The following CEP162 variants were observed in gnomAD, a reference collection of about 807,000 sequenced individuals.
The protein encoded by CEP162 is centrosomal protein 162, also known as centrosomal protein of 162 kDa.
A neutral mutation model predicts 169.2 loss-of-function variants in CEP162; 141 were observed. That is an observed-to-expected ratio of 0.83 (90% CI 0.73 to 0.96). The LOEUF (loss-of-function observed/expected upper bound fraction) is 0.96. CEP162 is among the 40% of genes least tolerant of loss of function. The pLI is 0.00. For synonymous variants in CEP162, 540 were observed against 526.4 expected, an observed-to-expected ratio of 1.03 and a Z score of -0.35; for missense variants, 1,600 against 1,587.2, an observed-to-expected ratio of 1.01 and a Z score of -0.14.
chr6:84,226,296 A>T (rs781363502), intron 2 of CEP162, 41 bp downstream of exon 2: 1 of 1,330,532 alleles, frequency 7.5e-7, no homozygotes, highest in South Asian at 1.3e-5. Flanking sequence ...GAGTCTTTTG[A>T]GACAAATTTG....
intron 25 of CEP162, among the ~76,000 whole-genome samples, chr6:84,134,298 G>A (rs192078493): frequency 2.0e-5 from 3 of 152,318 alleles, no homozygotes; most frequent in South Asian, 4.1e-4. Context: ...TGGGCTCTGT[G>A]GGGGTGGGAA....
intron 3 of CEP162, among the ~76,000 whole-genome samples, chr6:84,219,730 C>T (rs1029874959): frequency 6.6e-6 from 1 of 152,144 alleles, no homozygotes; most frequent in African/African-American, 2.4e-5. Flanking sequence ...TCTACTTTAA[C>T]ATGCATTTAT....
chr6:84,209,045 G>GGT (rs200304249), intron 6 of CEP162, among the ~76,000 whole-genome samples: 2 of 151,948 alleles, frequency 1.3e-5, no homozygotes, highest in African/African-American at 4.8e-5. Context: ...GAGGCGCTGT[G>GGT]GTGTGTGTGT....
intron 9 of CEP162, among the ~76,000 whole-genome samples, chr6:84,199,257 C>T (rs1323384413): frequency 6.6e-6 from 1 of 151,980 alleles, no homozygotes; most frequent in Non-Finnish European, 1.5e-5. Context: ...GTAGAATACT[C>T]AGTTGGGCAA....
intron 11 of CEP162, among the ~76,000 whole-genome samples, chr6:84,189,820 C>T (rs1253583838): frequency 1.3e-5 from 2 of 152,152 alleles, no homozygotes; most frequent in African/African-American, 4.8e-5. Context: ...CTAGGTGAAG[C>T]CAGCTGGGCT....
chr6:84,178,180 T>C (rs777670290), intron 13 of CEP162, among the ~76,000 whole-genome samples: 3 of 152,196 alleles, frequency 2.0e-5, no homozygotes, highest in Non-Finnish European at 2.9e-5. Context: ...ATGACATTTA[T>C]GAGATATTTG....
At position 84,215,855 on chromosome 6, in the gene CEP162, T is replaced by C. The variant is rs200781231; in HGVS notation, c.240A>G (p.Glu80=). ...KKTSQPVMEI[E]EESAEKIQFL... ...ATTGAATCTTTTCAGCAGACTCCTC[T>C]TCTATTTCCATAACAGGCTGAGAAG... Residue 80 remains glutamate (E), a synonymous_variant, in exon 4 of 27, where the codon GAA becomes GAG. Transcript: ENST00000403245. The C allele has an allele frequency of 6.3e-7, 1 of 1,584,246 alleles. No individual in the cohort carries two copies. The highest frequency in any genetic ancestry group is 2.3e-5 in the East Asian group (1 of 44,188).
intron 13 of CEP162, among the ~76,000 whole-genome samples, chr6:84,183,083 G>A (rs2099535620): frequency 6.6e-6 from 1 of 151,870 alleles, no homozygotes; most frequent in African/African-American, 2.4e-5. Flanking sequence ...TCAGTCTAAT[G>A]AGAAAAAGTA....
At chr6:84,189,224 C>T (rs1231557875) in intron 11 of CEP162, among the ~76,000 whole-genome samples, 1 of 152,090 alleles carries the variant, frequency 6.6e-6, no homozygotes, top group African/African-American at 2.4e-5. Flanking sequence ...TCAGAGCCCT[C>T]GCTTGCTCTC....
chr6:84,208,717 G>A (rs1231183358), intron 6 of CEP162, among the ~76,000 whole-genome samples: 4 of 152,216 alleles, frequency 2.6e-5, no homozygotes, highest in African/African-American at 9.6e-5. Flanking sequence ...GTCAATATTT[G>A]TATTCTGAGG....
At chr6:84,192,875 T>C (rs1169689891) in intron 11 of CEP162, among the ~76,000 whole-genome samples, 7 of 152,220 alleles carry the variant, frequency 4.6e-5, no homozygotes, top group Non-Finnish European at 1.0e-4. Flanking sequence ...GTATAACCCA[T>C]GGAGATGCTG....
intron 18 of CEP162, 29 bp downstream of exon 18, chr6:84,169,299 C>G (rs977608014): frequency 8.1e-7 from 1 of 1,230,746 alleles, no homozygotes; most frequent in African/African-American, 1.5e-5. Flanking sequence ...TTTATTATCC[C>G]TAATAGTCAA....
intron 7 of CEP162, 123 bp from the exon 8 acceptor site, chr6:84,201,890 A>G (rs2099544667): frequency 5.6e-6 from 3 of 531,472 alleles, no homozygotes; most frequent in Non-Finnish European, 1.0e-5. Context: ...ACGATCAGGA[A>G]CTGTGTTTTC....
In CEP162 at chr6:84,149,570, T is replaced by A. The variant is rs1469751087; in HGVS notation, c.3763A>T (p.Thr1255Ser). Residue 1255 changes from threonine to serine, a missense_variant, in exon 24 of 27, where the codon ACT becomes TCT. Transcript: ENST00000403245. The part of the protein sequence containing the change: ...KVAELNRKIA[T>S]QEVLIRHFQS... ...ACAGATTTGTCATCTACCTCTTGAG[T>A]TGCTATTTTACGATTTAGTTCAGCT... is the stretch of plus-strand genomic sequence containing the variant. The A allele has an allele frequency of 4.4e-6, 7 of 1,591,970 alleles. No homozygotes were observed. Among genetic ancestry groups the A allele is most frequent in the Non-Finnish European group, 5.1e-6 (6 of 1,170,226 alleles).
At position 84,204,116 on chromosome 6, in the gene CEP162, A is replaced by G. The variant is rs757924808; in HGVS notation, c.572-20T>C. On this transcript the variant is annotated intron_variant, in intron 6 of 26. Transcript: ENST00000403245. ...AATTTTCTGAAGAAAGTAATTTTTA[A>G]AAGTACAAAGACCACATTGTTAAAA... 26 of 1,434,878 alleles carry G rather than the reference A, an allele frequency of 1.8e-5. No homozygotes were observed. The highest frequency in any genetic ancestry group is 1.4e-5 in the African/African-American group (1 of 70,278). 88.9% of individuals were successfully genotyped at this position (1,434,878 alleles called of 1,614,324 possible).
intron 19 of CEP162, among the ~76,000 whole-genome samples, chr6:84,162,263 T>C (rs1405550030): frequency 6.6e-6 from 1 of 152,182 alleles, no homozygotes; most frequent in African/African-American, 2.4e-5. Flanking sequence ...AGAACGCCCA[T>C]AATTATACTA....
At chr6:84,181,728 A>G (rs2099534911) in intron 13 of CEP162, among the ~76,000 whole-genome samples, 1 of 152,180 alleles carries the variant, frequency 6.6e-6, no homozygotes, top group African/African-American at 2.4e-5. Flanking sequence ...CAGTCTCTTT[A>G]ATAATCAGAA....
intron 11 of CEP162, among the ~76,000 whole-genome samples, chr6:84,188,632 C>T (rs983346850): frequency 3.9e-5 from 6 of 152,174 alleles, no homozygotes; most frequent in African/African-American, 1.2e-4. Flanking sequence ...CAGTCTACCA[C>T]TGATGGGCAT....
At chr6:84,200,519 C>T (rs2099544047) in intron 9 of CEP162, among the ~76,000 whole-genome samples, 3 of 152,242 alleles carry the variant, frequency 2.0e-5, no homozygotes, top group Admixed American at 2.0e-4. Context: ...AATTAGTTAA[C>T]GTTCACCTAC....
Sources: gnomAD v4.1 joint callset for allele counts (sites outside exome capture counted in the v4.1 genomes callset) on GRCh38, gnomAD v4.1.1 for gene constraint, MANE v1.5 for transcripts, NCBI Gene and HGNC (gene_info 2026-07-23, HGNC 2026-07-21) for gene names.